The following MECOM variants were observed in gnomAD, a reference collection of about 807,000 sequenced individuals.
MECOM encodes MDS1 and EVI1 complex locus.
Under a neutral mutation model 116.3 loss-of-function variants are expected in MECOM, and 13 were observed. That is an observed-to-expected ratio of 0.11 (90% confidence interval 0.07 to 0.18). MECOM has a LOEUF of 0.18. MECOM is among the 10% of genes least tolerant of loss of function. MECOM has a pLI of 1.00. For synonymous variants in MECOM, 528 were observed against 535.2 expected, an observed-to-expected ratio of 0.99 and a Z score of 0.19; for missense variants, 1,299 against 1,509.0, an observed-to-expected ratio of 0.86 and a Z score of 2.31.
chr3:169,521,887 T>G (rs570009124), intron 1 of MECOM, among the ~76,000 whole-genome samples: 11 of 152,320 alleles, frequency 7.2e-5, no homozygotes, highest in East Asian at 1.9e-4. Flanking sequence ...AGAATTTTTT[T>G]TTGTTGTTAT....
At chr3:169,103,068 C>T (rs1009665387) in intron 10 of MECOM, among the ~76,000 whole-genome samples, 1 of 150,464 alleles carries the variant, frequency 6.6e-6, no homozygotes, top group African/African-American at 2.4e-5. Flanking sequence ...TACACCTGCA[C>T]ACTTATTTGA....
chr3:169,464,206 G>C (rs1484063980), intron 1 of MECOM: 3 of 152,108 alleles, frequency 2.0e-5, no homozygotes, highest in Non-Finnish European at 2.9e-5. Context: ...TTTACATTTG[G>C]AGTTTTGCTA....
At chr3:169,108,489 GA>G (rs2149009431) in intron 9 of MECOM, among the ~76,000 whole-genome samples, 1 of 152,248 alleles carries the variant, frequency 6.6e-6, no homozygotes, top group South Asian at 2.1e-4. Flanking sequence ...AACGTTAATG[GA>G]AAACTAAAAA....
chr3:169,560,933 C>T lies in MECOM; in HGVS notation c.37+102403G>A, dbSNP rs139964724. Among the ~76,000 whole-genome samples, 191 of 151,686 alleles carry T rather than the reference C, an allele frequency of 1.3e-3. 3 individuals are homozygous for T. The East Asian group carries it at 0.033, about 26-fold the overall frequency. ...ATAACTAAAAAGAGGTTTCTACAAA[C>T]GGCATCTGATGATTTATAAGGAATT... On this transcript the variant is annotated intron_variant, in intron 1 of 16. Coordinates refer to ENST00000651503, the MANE Select transcript of MECOM (RefSeq NM_004991.4).
chr3:169,300,296 G>C (rs1352406938), intron 2 of MECOM, among the ~76,000 whole-genome samples: 1 of 152,106 alleles, frequency 6.6e-6, no homozygotes, highest in Non-Finnish European at 1.5e-5. Flanking sequence ...GAAAATGAAT[G>C]ATATTTTATA....
At position 169,442,847 on chromosome 3, in the gene MECOM, A is replaced by G. The variant is rs961165403; in HGVS notation, c.38-61323T>C. ...ATCTATAGTTTTTGACCCTGAATAC[A>G]GAATTGGTCAAATGGAGTAGTATCT... On this transcript the variant is annotated intron_variant, in intron 1 of 16. Coordinates refer to ENST00000651503, the MANE Select transcript of MECOM (RefSeq NM_004991.4). Among the ~76,000 whole-genome samples, 26 of 152,274 alleles carry G rather than the reference A, an allele frequency of 1.7e-4. No individual in the cohort carries two copies. The Middle Eastern group carries it at 0.01, about 60-fold the overall frequency.
At chr3:169,571,718 C>T (rs936314188) in intron 1 of MECOM, among the ~76,000 whole-genome samples, 14 of 152,086 alleles carry the variant, frequency 9.2e-5, no homozygotes, top group African/African-American at 2.7e-4. Context: ...CTTTGACAAA[C>T]CTGATAAAAA....
At chr3:169,338,496 A>G (rs1219776379) in intron 2 of MECOM, among the ~76,000 whole-genome samples, 3 of 152,152 alleles carry the variant, frequency 2.0e-5, no homozygotes, top group Non-Finnish European at 4.4e-5. Context: ...AATGGTGTGA[A>G]CTGGGGCTAT....
Position 169,128,045 on chromosome 3 carries a change from C to A in MECOM, c.629G>T (p.Arg210Leu). 1 of 1,613,914 alleles carries A rather than the reference C, an allele frequency of 6.2e-7. No individual in the cohort carries two copies. The highest frequency in any genetic ancestry group is 8.5e-7 in the Non-Finnish European group (1 of 1,179,876). The change falls in exon 5 of 17, where the codon CGC becomes CTC. Residue 210 changes from arginine (R) to leucine (L), a missense_variant. This residue lies in a region of MECOM where 374 missense variants were observed against 433.4 expected (regional missense o/e 0.86). Coordinates refer to ENST00000651503, the MANE Select transcript of MECOM (RefSeq NM_004991.4). ...APDIHEERQY[R>L]CEDCDQLFES... Reference sequence around the variant, plus strand: ...AAAGAGCTGGTCACAGTCTTCGCAGCGATATTGCCGTTCTTCTGTGAAAAC... The same window carrying A: ...AAAGAGCTGGTCACAGTCTTCGCAGAGATATTGCCGTTCTTCTGTGAAAAC...
intron 1 of MECOM, among the ~76,000 whole-genome samples, chr3:169,520,745 C>T (rs1006450732): frequency 6.6e-6 from 1 of 151,602 alleles, no homozygotes; most frequent in African/African-American, 2.4e-5. Context: ...TATTTTCTAG[C>T]CATTTTTATA....
intron 1 of MECOM, among the ~76,000 whole-genome samples, chr3:169,652,582 T>C (rs1161345387): frequency 6.6e-6 from 1 of 152,152 alleles, no homozygotes; most frequent in Non-Finnish European, 1.5e-5. Flanking sequence ...GATGGTTGAT[T>C]TGTGAAATGA....
intron 1 of MECOM, among the ~76,000 whole-genome samples, chr3:169,543,059 T>C (rs186128232): frequency 2.6e-5 from 4 of 152,262 alleles, no homozygotes; most frequent in Non-Finnish European, 2.9e-5. Context: ...AGAAAACAAC[T>C]AGTTACGAAT....
intron 1 of MECOM, among the ~76,000 whole-genome samples, chr3:169,609,168 C>T (rs1768948328): frequency 6.6e-6 from 1 of 152,194 alleles, no homozygotes; most frequent in Non-Finnish European, 1.5e-5. Context: ...GTAAAATCTT[C>T]ATGATGAGTG....
rs539793654 is a variant in MECOM, at chr3:169,628,006, G to A, written c.37+35330C>T. Among the ~76,000 whole-genome samples, 16 of 152,298 alleles carry A rather than the reference G, an allele frequency of 1.1e-4. No individual in the cohort carries two copies. The South Asian group carries it at 2.7e-3, about 26-fold the overall frequency. On this transcript the variant is annotated intron_variant, in intron 1 of 16. Transcript: ENST00000651503. ...AGAGTCGGAGAACTTGAGATGCACC[G>A]ACTATTTTGCAAGAGCTCAGGAAGC... is the stretch of plus-strand genomic sequence containing the variant.
intron 1 of MECOM, among the ~76,000 whole-genome samples, chr3:169,518,214 G>T (rs528644887): frequency 6.6e-6 from 1 of 151,410 alleles, no homozygotes; most frequent in South Asian, 2.1e-4. Context: ...AGCCGAGATC[G>T]CACCACTGCA....
intron 1 of MECOM, among the ~76,000 whole-genome samples, chr3:169,505,543 G>A (rs1251693072): frequency 1.3e-5 from 2 of 152,168 alleles, no homozygotes; most frequent in African/African-American, 4.8e-5. Context: ...AATCTTGTGT[G>A]AGTGTGTGTT....
At position 169,149,753 on chromosome 3, in the gene MECOM, T is replaced by C. The variant is rs35251408; in HGVS notation, c.376-5921A>G. Reference sequence around the variant, plus strand: ...TTACCCTCCGAGACCTTGGAAGATGTACCTAGAAGAATGGAGAATTCATTG... The same window carrying C: ...TTACCCTCCGAGACCTTGGAAGATGCACCTAGAAGAATGGAGAATTCATTG... On this transcript the variant is annotated intron_variant, in intron 2 of 16. Transcript: ENST00000651503. 1.9e-3 allele frequency: 867 copies of C among 447,214 alleles called. 7 individuals carry two copies. The highest frequency in any genetic ancestry group is 0.016 in the African/African-American group (785 of 49,304). 27.7% of individuals were successfully genotyped at this position (447,214 alleles called of 1,614,324 possible). A position where few individuals can be genotyped will look rare whatever the true frequency, so the allele number is the denominator to read the frequency against.
chr3:169,518,341 C>T (rs1451800940), intron 1 of MECOM, among the ~76,000 whole-genome samples: 1 of 151,978 alleles, frequency 6.6e-6, no homozygotes, highest in Admixed American at 6.6e-5. Context: ...ACTTAGATTC[C>T]TGGGGGAAGG....
At chr3:169,379,482 A>C (rs1172064975) in intron 2 of MECOM, among the ~76,000 whole-genome samples, 1 of 151,854 alleles carries the variant, frequency 6.6e-6, no homozygotes, top group East Asian at 1.9e-4. Flanking sequence ...AAATCATTTT[A>C]CATTTCTCAA....
Sources: gnomAD v4.1 joint callset for allele counts (sites outside exome capture counted in the v4.1 genomes callset) on GRCh38, gnomAD v4.1.1 for gene constraint, gnomAD v4.1.1 regional missense constraint, MANE v1.5 for transcripts, NCBI Gene and HGNC (gene_info 2026-07-23, HGNC 2026-07-21) for gene names.